SGCZ: variants seen among roughly 807,000 people sequenced by gnomAD.
SGCZ encodes the protein sarcoglycan zeta, also known as zeta-sarcoglycan.
In SGCZ, 40 loss-of-function variants were observed where a neutral mutation model predicts 41.3. The observed-to-expected ratio is 0.97, with a 90% CI of 0.75 to 1.26. The LOEUF is 1.26. SGCZ is among the 50% of genes most tolerant of loss of function. The pLI, the probability that SGCZ is intolerant of heterozygous loss-of-function variation, is 0.00. For missense variants in SGCZ, 552 were observed against 369.8 expected (o/e 1.49, Z -4.04); for synonymous variants, 206 against 137.5 (o/e 1.50, Z -3.49).
chr8:14,487,851 A>G (rs911694297), intron 2 of SGCZ: 4 of 150,688 alleles, frequency 2.7e-5, no homozygotes, highest in Admixed American at 2.0e-4. Context: ...TCTTATTCCA[A>G]TTGTAGCACA....
chr8:14,985,154 T>A (rs1251815812), intron 1 of SGCZ, among the ~76,000 whole-genome samples: 2 of 152,288 alleles, frequency 1.3e-5, no homozygotes, highest in African/African-American at 4.8e-5. Flanking sequence ...TACATTTGGA[T>A]GCTTATTGTT....
chr8:14,326,685 A>G (rs1802128180), intron 2 of SGCZ, among the ~76,000 whole-genome samples: 1 of 152,216 alleles, frequency 6.6e-6, no homozygotes, highest in African/African-American at 2.4e-5. Flanking sequence ...AGTGGAATTA[A>G]AGAGTTATTC....
chr8:14,883,885 T>G (rs1804690017), intron 1 of SGCZ, among the ~76,000 whole-genome samples: 1 of 151,642 alleles, frequency 6.6e-6, no homozygotes, highest in Admixed American at 6.6e-5. Context: ...AAAATAGCAT[T>G]ATAGGTTCTC....
intron 1 of SGCZ, among the ~76,000 whole-genome samples, chr8:14,876,135 C>A (rs116441722): frequency 0.023 from 3,432 of 152,202 alleles, 45 homozygotes; most frequent in Middle Eastern, 0.045. Flanking sequence ...AGAGATCGGA[C>A]TGCCTAGGGA....
At chr8:14,546,486 G>T (rs1342001766) in intron 2 of SGCZ, among the ~76,000 whole-genome samples, 1 of 152,100 alleles carries the variant, frequency 6.6e-6, no homozygotes, top group Non-Finnish European at 1.5e-5. Context: ...TTTTATAAAG[G>T]TGCCATTAAT....
chr8:14,777,464 C>T (rs1029429456), intron 1 of SGCZ, among the ~76,000 whole-genome samples: 4 of 152,066 alleles, frequency 2.6e-5, no homozygotes, highest in Non-Finnish European at 4.4e-5. Context: ...TATTAAAATT[C>T]GTTTCATTAA....
At chr8:15,209,157 C>A (rs772133958) in intron 1 of SGCZ, among the ~76,000 whole-genome samples, 4 of 151,960 alleles carry the variant, frequency 2.6e-5, no homozygotes, top group Admixed American at 1.3e-4. Flanking sequence ...ACTTCTAAAG[C>A]ACCTTTTAGA....
chr8:15,196,624 T>A (rs1317405797), intron 1 of SGCZ, among the ~76,000 whole-genome samples: 1 of 58,846 alleles, frequency 1.7e-5, no homozygotes, highest in Non-Finnish European at 5.1e-5. Flanking sequence ...AAAATTTCTT[T>A]TATTTATTTA....
In SGCZ at chr8:14,336,089, C is replaced by G. The variant is rs3988436; in HGVS notation, c.235-11885G>C. Among the ~76,000 whole-genome samples, 955 of 151,970 alleles carry G rather than the reference C, an allele frequency of 6.3e-3. 21 individuals are homozygous for G. In the East Asian group the frequency reaches 0.077, roughly 12 times the overall value. On this transcript the variant is annotated intron_variant, in intron 2 of 7. Coordinates refer to ENST00000382080, the MANE Select transcript of SGCZ (RefSeq NM_139167.4). ...TCCCACCTTCCATCCTCTAGTAGAC[C>G]CCAGTGTATATTGTTTCCCCCATGT...
chr8:14,102,095 TATATATATA>T (rs1461235962), intron 7 of SGCZ, among the ~76,000 whole-genome samples: 1 of 97,722 alleles, frequency 1.0e-5, no homozygotes, highest in African/African-American at 4.7e-5. Flanking sequence ...TATATATATA[TATATATATA>T]ATTTTTTTTT....
chr8:14,147,671 G>C (rs1429195991), intron 5 of SGCZ, among the ~76,000 whole-genome samples: 2 of 152,076 alleles, frequency 1.3e-5, no homozygotes, highest in Admixed American at 1.3e-4. Context: ...AGAAAATAAA[G>C]AAGCATCTGA....
intron 1 of SGCZ, among the ~76,000 whole-genome samples, chr8:14,885,740 G>A (rs563846915): frequency 1.3e-5 from 2 of 151,880 alleles, no homozygotes; most frequent in African/African-American, 2.4e-5. Context: ...AAATGTCAGG[G>A]TTATTTTGTT....
chr8:14,519,679 G>T (rs1319998628), intron 2 of SGCZ, among the ~76,000 whole-genome samples: 1 of 152,046 alleles, frequency 6.6e-6, no homozygotes, highest in African/African-American at 2.4e-5. Context: ...TGAAAACTCA[G>T]TCTCGGCTGT....
intron 1 of SGCZ, among the ~76,000 whole-genome samples, chr8:14,900,904 A>T (rs1798948259): frequency 6.6e-6 from 1 of 152,144 alleles, no homozygotes. Flanking sequence ...TTGCACTCTA[A>T]TTTACTAGTT....
intron 3 of SGCZ, 115 bp from the exon 4 acceptor site, chr8:14,237,794 TAGAC>T: frequency 2.3e-6 from 2 of 854,300 alleles, no homozygotes; most frequent in South Asian, 1.8e-5. Context: ...TGCTCTATAT[TAGAC>T]AGTTAATTTA....
At chr8:14,976,361 G>A (rs1271285471) in intron 1 of SGCZ, among the ~76,000 whole-genome samples, 1 of 152,064 alleles carries the variant, frequency 6.6e-6, no homozygotes, top group Non-Finnish European at 1.5e-5. Context: ...AGGGCCATAT[G>A]TGTGACACTT....
chr8:14,525,191 GATAGACA>G (rs1802909965), intron 2 of SGCZ, among the ~76,000 whole-genome samples: 1 of 104,756 alleles, frequency 9.5e-6, no homozygotes, highest in Admixed American at 9.7e-5. Context: ...TAGATAGATA[GATAGACA>G]GACAGACAGA....
At chr8:14,426,590 T>C (rs1480105971) in intron 2 of SGCZ, among the ~76,000 whole-genome samples, 1 of 152,142 alleles carries the variant, frequency 6.6e-6, no homozygotes, top group Non-Finnish European at 1.5e-5. Context: ...GTTTTGTTTG[T>C]TATTTTTGCT....
intron 1 of SGCZ, among the ~76,000 whole-genome samples, chr8:14,584,743 A>G (rs114168415): frequency 0.013 from 1,922 of 152,132 alleles, 16 homozygotes; most frequent in African/African-American, 0.02. Flanking sequence ...TAAAGAAGGG[A>G]AAAGGGAAGG....
Sources: gnomAD v4.1 joint callset for allele counts (sites outside exome capture counted in the v4.1 genomes callset) on GRCh38, gnomAD v4.1.1 for gene constraint, MANE v1.5 for transcripts, NCBI Gene and HGNC (gene_info 2026-07-23, HGNC 2026-07-21) for gene names.